C12orf50: variants seen among roughly 807,000 people sequenced by gnomAD.
The protein encoded by C12orf50 is zinc finger CCCH-type containing 11D, also known as uncharacterized protein C12orf50.
C12orf50 carries 35 observed loss-of-function variants against 61.6 expected under a neutral mutation model. That is an observed-to-expected ratio of 0.57 (90% confidence interval 0.43 to 0.75). The LOEUF (loss-of-function observed/expected upper bound fraction) is 0.75, where lower values mean the gene tolerates loss of function less well. Among genes scored for constraint, C12orf50 ranks in the 30% least tolerant of loss-of-function variants. The pLI is 0.00. For synonymous variants in C12orf50, 178 were observed against 161.5 expected (o/e 1.10, Z -0.77); for missense variants, 475 against 488.5 (o/e 0.97, Z 0.26).
chr12:87,994,712 G>A lies in C12orf50; in HGVS notation c.513C>T (p.Ser171=), dbSNP rs2031302807. 3 of 1,612,702 alleles carry A rather than the reference G, an allele frequency of 1.9e-6. No homozygotes were observed. The highest frequency in any genetic ancestry group is 2.5e-6 in the Non-Finnish European group (3 of 1,179,220). Reference sequence around the variant, plus strand: ...TTATTTCACCTTGCCTTTCATATTGGCTAAGTTTTGTCGGAACTGTAAGAC... The same window carrying A: ...TTATTTCACCTTGCCTTTCATATTGACTAAGTTTTGTCGGAACTGTAAGAC... ...GDSLTVPTKL[S]QYERQGEIKT... is the part of the protein sequence containing the mutation. Residue 171 remains serine, a synonymous_variant, in exon 7 of 13, where the codon AGC becomes AGT. Transcript: ENST00000298699.
intron 12 of C12orf50, among the ~76,000 whole-genome samples, chr12:87,982,146 A>G (rs1025743242): frequency 6.6e-6 from 1 of 152,130 alleles, no homozygotes; most frequent in Non-Finnish European, 1.5e-5. Context: ...ATCATAGGAG[A>G]AAAGGCTATA....
upstream of C12orf50, chr12:88,030,054 A>C (rs2032836532): frequency 6.5e-6 from 1 of 153,062 alleles, no homozygotes; most frequent in Non-Finnish European, 1.5e-5. Context: ...AGTATCTTTA[A>C]TCAAATAATT....
At position 88,008,287 on chromosome 12, in the gene C12orf50, C is replaced by T. The variant is rs576273461; in HGVS notation, c.134-10097G>A. Among the ~76,000 whole-genome samples the T allele has an allele frequency of 2.0e-5, 3 of 152,192 alleles. No individual in the cohort carries two copies. In the South Asian group the frequency reaches 6.2e-4, roughly 32 times the overall value. ...TGTGTCCATTTTTCTCATCATTTAG[C>T]TCCCATTTGTAAGTCAGAACATGCA... On this transcript the variant is annotated intron_variant, in intron 3 of 12. Transcript: ENST00000298699.
intron 3 of C12orf50, among the ~76,000 whole-genome samples, chr12:88,024,350 T>C (rs1186529704): frequency 6.6e-6 from 1 of 152,160 alleles, no homozygotes; most frequent in Non-Finnish European, 1.5e-5. Flanking sequence ...ACAGCACTAT[T>C]CACAATAGCA....
chr12:88,026,048 G>T (rs1327969799), intron 3 of C12orf50, among the ~76,000 whole-genome samples: 2 of 152,126 alleles, frequency 1.3e-5, no homozygotes, highest in East Asian at 3.9e-4. Flanking sequence ...ACACATAGCT[G>T]TTCTGCTAGA....
chr12:88,008,945 A>T (rs536000244), intron 3 of C12orf50, among the ~76,000 whole-genome samples: 10 of 152,242 alleles, frequency 6.6e-5, no homozygotes, highest in African/African-American at 2.4e-4. Flanking sequence ...TCTTTCATTT[A>T]ATTTTATCTG....
chr12:88,011,310 A>G (rs1033523510), intron 3 of C12orf50, among the ~76,000 whole-genome samples: 22 of 152,208 alleles, frequency 1.4e-4, no homozygotes, highest in African/African-American at 5.3e-4. Flanking sequence ...AGCTTGAACA[A>G]CTATTAGGGA....
At chr12:87,985,515 C>G (rs2030762422) in intron 11 of C12orf50, 2 of 265,374 alleles carry the variant, frequency 7.5e-6, no homozygotes, top group Middle Eastern at 1.2e-3. Context: ...TTGAACAATG[C>G]AGTTAGTGGA....
At chr12:88,015,221 A>G (rs2032267585) in intron 3 of C12orf50, among the ~76,000 whole-genome samples, 1 of 152,140 alleles carries the variant, frequency 6.6e-6, no homozygotes, top group African/African-American at 2.4e-5. Flanking sequence ...TAAAACACAC[A>G]CGCACAAAAA....
intron 3 of C12orf50, among the ~76,000 whole-genome samples, chr12:88,005,375 C>G (rs1014463339): frequency 6.6e-6 from 1 of 152,182 alleles, no homozygotes; most frequent in East Asian, 1.9e-4. Context: ...ACAGGGATAA[C>G]ACGGACTTTA....
chr12:88,007,780 T>C (rs1276108239), intron 3 of C12orf50, among the ~76,000 whole-genome samples: 3 of 152,220 alleles, frequency 2.0e-5, no homozygotes, highest in East Asian at 1.9e-4. Context: ...AATTTTCTTA[T>C]ATAATTGTAC....
intron 7 of C12orf50, among the ~76,000 whole-genome samples, chr12:87,990,515 A>G (rs2031068199): frequency 1.3e-5 from 2 of 152,152 alleles, no homozygotes; most frequent in African/African-American, 4.8e-5. Context: ...CCCAAAAACA[A>G]CTATAAAATA....
At chr12:87,986,219 A>G in intron 10 of C12orf50, 93 bp downstream of exon 10, 3 of 1,225,372 alleles carry the variant, frequency 2.4e-6, no homozygotes, top group Non-Finnish European at 3.4e-6. Flanking sequence ...TTTACGTCAC[A>G]TGACAGTAAT....
At chr12:88,028,597 C>T (rs1592692666) in intron 1 of C12orf50, among the ~76,000 whole-genome samples, 1 of 151,866 alleles carries the variant, frequency 6.6e-6, no homozygotes, top group Non-Finnish European at 1.5e-5. Flanking sequence ...AGACTTTTGA[C>T]AGAGGAAAAT....
intron 3 of C12orf50, among the ~76,000 whole-genome samples, chr12:88,015,505 A>G (rs1345653808): frequency 1.3e-5 from 2 of 152,254 alleles, no homozygotes; most frequent in African/African-American, 4.8e-5. Context: ...AGCCAAGGAA[A>G]GATGAGCAAT....
intron 3 of C12orf50, among the ~76,000 whole-genome samples, chr12:88,005,336 A>G (rs1170684734): frequency 6.6e-6 from 1 of 152,178 alleles, no homozygotes. Flanking sequence ...CATTCCTCAG[A>G]GGATGTAGCC....
chr12:88,015,092 G>A lies in C12orf50; in HGVS notation c.133+11396C>T, dbSNP rs149485514. Among the ~76,000 whole-genome samples, 666 of 152,034 alleles carry A rather than the reference G, an allele frequency of 4.4e-3. 5 individuals are homozygous for A. The highest frequency in any genetic ancestry group is 0.016 in the African/African-American group (644 of 41,470). ...TCTGCCATCCAACACAAATTATCTC[G>A]GGGGCTACCATTTGATGTGCTATGG... On this transcript the variant is annotated intron_variant, in intron 3 of 12. Coordinates refer to ENST00000298699, the MANE Select transcript of C12orf50 (RefSeq NM_152589.3).
intron 3 of C12orf50, among the ~76,000 whole-genome samples, chr12:88,022,791 C>T (rs995959568): frequency 6.6e-6 from 1 of 152,074 alleles, no homozygotes; most frequent in African/African-American, 2.4e-5. Flanking sequence ...AGGAATACAG[C>T]TAACCAGAGA....
chr12:88,015,691 C>T (rs1245168023), intron 3 of C12orf50, among the ~76,000 whole-genome samples: 1 of 152,154 alleles, frequency 6.6e-6, no homozygotes, highest in Non-Finnish European at 1.5e-5. Context: ...CAGAAAATGT[C>T]TAGGGAATTT....
Sources: allele counts gnomAD v4.1 joint callset (sites outside exome capture counted in the v4.1 genomes callset), GRCh38; gene constraint gnomAD v4.1.1; transcripts MANE v1.5; gene names NCBI Gene and HGNC (gene_info 2026-07-23, HGNC 2026-07-21).